Variants in ZNF333 observed in about 807,000 individuals in gnomAD.
The protein encoded by ZNF333 is zinc finger protein 333.
ZNF333 carries 61 observed loss-of-function variants against 76.1 expected under a neutral mutation model. That is an observed-to-expected ratio of 0.80 (90% CI 0.65 to 0.99). ZNF333 has a LOEUF of 0.99. Among genes scored for constraint, ZNF333 ranks in the 50% least tolerant of loss-of-function variants. The pLI, the probability that ZNF333 is intolerant of heterozygous loss-of-function variation, is 0.00. For missense variants in ZNF333, 717 were observed against 822.4 expected, an observed-to-expected ratio of 0.87 and a Z score of 1.57; for synonymous variants, 284 against 305.0, an observed-to-expected ratio of 0.93 and a Z score of 0.72.
chr19:14,712,615 C>CG (rs370741823), intron 7 of ZNF333, among the ~76,000 whole-genome samples: 10 of 152,046 alleles, frequency 6.6e-5, no homozygotes, highest in African/African-American at 9.6e-5. Context: ...TCTGATGGCT[C>CG]GGGGGGGAGG....
At chr19:14,727,356 T>A (rs1344292814) in intron 11 of ZNF333, among the ~76,000 whole-genome samples, 1 of 152,188 alleles carries the variant, frequency 6.6e-6, no homozygotes, top group Non-Finnish European at 1.5e-5. Flanking sequence ...TGGCTCACTG[T>A]TTTGCAGGCT....
At chr19:14,706,600 A>C in intron 6 of ZNF333, 86 bp from the exon 7 acceptor site, 1 of 990,486 alleles carries the variant, frequency 1.0e-6, no homozygotes, top group Non-Finnish European at 1.6e-6. Context: ...GCAGGATCAA[A>C]TATGCACGTT....
At position 14,720,490 on chromosome 19, in the gene ZNF333, A is replaced by T. The variant is rs966592931; in HGVS notation, c.*1165A>T. On this transcript the variant is annotated 3_prime_UTR_variant, in exon 12 of 12. Coordinates refer to ENST00000292530, the MANE Select transcript of ZNF333 (RefSeq NM_032433.4). ...TGCTTCTGTAATCTAAAAAATATTT[A>T]GGATAGATTTAATAGAATTGGCATA... is the stretch of plus-strand genomic sequence containing the variant. 1 of 985,326 alleles carries T rather than the reference A, an allele frequency of 1.0e-6. No homozygotes were observed. Among genetic ancestry groups the T allele is most frequent in the Non-Finnish European group, 1.2e-6 (1 of 829,932 alleles). The allele number at this position is 985,326 out of a possible 1,614,324, so 61.0% of individuals were successfully genotyped here.
intron 2 of ZNF333, among the ~76,000 whole-genome samples, 162 bp from the exon 3 acceptor site, chr19:14,694,848 C>T (rs919623384): frequency 1.3e-5 from 2 of 152,190 alleles, no homozygotes; most frequent in Admixed American, 6.5e-5. Context: ...AATAAATGCA[C>T]GTGGCTGTGT....
At position 14,718,386 on chromosome 19, in the gene ZNF333, A is replaced by C; in HGVS notation, c.1059A>C (p.Leu353=). 1 of 1,614,176 alleles carries C rather than the reference A, an allele frequency of 6.2e-7. No homozygotes were observed. ...ATTCCTTCTTCCAGAGTGCCCACCT[A>C]ATTGTGCCCGAGAAAATCCGTAGTG... is the stretch of plus-strand genomic sequence containing the variant. ...IRNSFFQSAH[L]IVPEKIRSGD... The change falls in exon 12 of 12, where the codon CTA becomes CTC. Residue 353 remains leucine, a synonymous_variant. Coordinates refer to ENST00000292530, the MANE Select transcript of ZNF333 (RefSeq NM_032433.4).
chr19:14,702,495 C>T (rs1476869492), intron 5 of ZNF333, among the ~76,000 whole-genome samples: 3 of 152,182 alleles, frequency 2.0e-5, no homozygotes, highest in Admixed American at 6.5e-5. Context: ...GCTCTCCAGC[C>T]TGGGTGACGG....
rs995653821 is a variant in ZNF333, at chr19:14,706,885, G to A, written c.511+112G>A. 11 of 874,252 alleles carry A rather than the reference G, an allele frequency of 1.3e-5. No individual in the cohort carries two copies. In the Admixed American group the frequency reaches 1.3e-4, roughly 10 times the overall value. 54.2% of individuals were successfully genotyped at this position (874,252 alleles called of 1,614,324 possible). On this transcript the variant is annotated intron_variant, in intron 7 of 11. Coordinates refer to ENST00000292530, the MANE Select transcript of ZNF333 (RefSeq NM_032433.4). ...ATTTCCTCTGACTGCAGGCACTGCC[G>A]TGGCACCATAGAGAGGATACAGAAG...
chr19:14,729,649 G>C (rs933235285), intron 11 of ZNF333, among the ~76,000 whole-genome samples: 1 of 152,146 alleles, frequency 6.6e-6, no homozygotes, highest in Non-Finnish European at 1.5e-5. Flanking sequence ...ACTGCGCCCG[G>C]TGGGATACAA....
At chr19:14,695,204 A>G in intron 3 of ZNF333, 71 bp downstream of exon 3, 5 of 1,564,914 alleles carry the variant, frequency 3.2e-6, no homozygotes, top group Admixed American at 1.9e-5. Flanking sequence ...TGCCATGTGA[A>G]GAAGACAGAC....
intron 11 of ZNF333, 41 bp downstream of exon 11, chr19:14,717,774 G>A: frequency 6.3e-7 from 1 of 1,584,862 alleles, no homozygotes; most frequent in Non-Finnish European, 8.7e-7. Flanking sequence ...TCTATAGTAG[G>A]ATGAGTCTGG....
chr19:14,718,488 T>C lies in ZNF333; in HGVS notation c.1161T>C (p.Thr387=). Residue 387 remains threonine (T), a synonymous_variant, in exon 12 of 12, where the codon ACT becomes ACC. Coordinates refer to ENST00000292530, the MANE Select transcript of ZNF333 (RefSeq NM_032433.4). ...YSSDLIRHEK[T]HTAEKCFDCQ... is the part of the protein sequence containing the mutation. Reference sequence around the variant, plus strand: ...CTGACCTTATCAGGCATGAGAAGACTCATACTGCAGAGAAGTGCTTTGACT... The same window carrying C: ...CTGACCTTATCAGGCATGAGAAGACCCATACTGCAGAGAAGTGCTTTGACT... 1 of 1,614,214 alleles carries C rather than the reference T, an allele frequency of 6.2e-7. No individual in the cohort carries two copies. Among genetic ancestry groups the C allele is most frequent in the Non-Finnish European group, 8.5e-7 (1 of 1,180,040 alleles).
At chr19:14,706,001 C>T in intron 6 of ZNF333, 1 of 431,506 alleles carries the variant, frequency 2.3e-6, no homozygotes, top group Non-Finnish European at 4.7e-6. Flanking sequence ...CCTGTTCCCT[C>T]CCCCGAGGGA....
chr19:14,696,807 C>T (rs777279763), intron 4 of ZNF333, among the ~76,000 whole-genome samples: 5 of 139,586 alleles, frequency 3.6e-5, no homozygotes, highest in East Asian at 2.2e-4. Flanking sequence ...GGTACGATCT[C>T]GGCTCACTGC....
chr19:14,728,763 A>C (rs1226901024), intron 11 of ZNF333, among the ~76,000 whole-genome samples: 1 of 152,248 alleles, frequency 6.6e-6, no homozygotes, highest in Non-Finnish European at 1.5e-5. Flanking sequence ...TGAAACCAGC[A>C]CTGAGGCAAA....
chr19:14,698,935 T>TAC lies in ZNF333; in HGVS notation c.224-258_224-257dup, dbSNP rs1555771124. 2.6e-3 allele frequency among the ~76,000 whole-genome samples: 366 copies of TAC among 139,292 alleles called. 3 individuals are homozygous for TAC. The highest frequency in any genetic ancestry group is 8.5e-3 in the African/African-American group (308 of 36,190). 91.4% of individuals were successfully genotyped at this position (139,292 alleles called of 152,430 possible). On this transcript the variant is annotated intron_variant, in intron 4 of 11. Transcript: ENST00000292530. ...ATATATATATATATATATATATATA[T>TAC]ACACACATATATATTTTCAATTTTA...
intron 2 of ZNF333, among the ~76,000 whole-genome samples, 199 bp from the exon 3 acceptor site, chr19:14,694,811 C>T (rs1024019787): frequency 1.3e-5 from 2 of 152,184 alleles, no homozygotes; most frequent in Non-Finnish European, 2.9e-5. Flanking sequence ...GCCGTTGTGG[C>T]CTCAAAACAG....
chr19:14,719,172 G>C lies in ZNF333; in HGVS notation c.1845G>C (p.Gly615=). The C allele has an allele frequency of 6.2e-7, 1 of 1,614,184 alleles. No individual in the cohort carries two copies. The highest frequency in any genetic ancestry group is 8.5e-7 in the Non-Finnish European group (1 of 1,180,036). ...LIVHVRTHSA[G]RPYQCNQCEK... ...TACATGTGAGAACACACAGTGCCGG[G>C]AGACCCTATCAATGTAATCAGTGTG... is the stretch of plus-strand genomic sequence containing the variant. Residue 615 remains glycine (G), a synonymous_variant, in exon 12 of 12, where the codon GGG becomes GGC. Transcript: ENST00000292530.
intron 4 of ZNF333, among the ~76,000 whole-genome samples, chr19:14,698,552 A>G (rs1370748955): frequency 2.0e-5 from 3 of 151,408 alleles, no homozygotes; most frequent in Non-Finnish European, 4.4e-5. Context: ...CTCAAAAATA[A>G]AAAGTAAAGA....
At chr19:14,691,139 T>C (rs1297132999) in intron 1 of ZNF333, among the ~76,000 whole-genome samples, 2 of 152,168 alleles carry the variant, frequency 1.3e-5, no homozygotes, top group Admixed American at 1.3e-4. Flanking sequence ...TTTTTTTTGT[T>C]TTTGTTTTTC....
Sources: allele counts gnomAD v4.1 joint callset (sites outside exome capture counted in the v4.1 genomes callset), GRCh38; gene constraint gnomAD v4.1.1; transcripts MANE v1.5; gene names NCBI Gene and HGNC (gene_info 2026-07-23, HGNC 2026-07-21).